Variants in HIF1A observed in about 807,000 individuals in gnomAD.
HIF1A encodes the protein hypoxia inducible factor 1 subunit alpha.
A neutral mutation model predicts 92.7 loss-of-function variants in HIF1A; 24 were observed. The observed-to-expected ratio is 0.26, with a 90% confidence interval of 0.19 to 0.36. HIF1A has a LOEUF of 0.36. Ranked by LOEUF, HIF1A falls within the 10% of genes least tolerant of loss-of-function variation. The probability of loss-of-function intolerance (pLI) is 1.00; values close to 1 mark genes in which losing one functional copy is unlikely to be tolerated. For synonymous variants in HIF1A, 319 were observed against 338.7 expected, an observed-to-expected ratio of 0.94 and a Z score of 0.64; for missense variants, 799 against 998.5, an observed-to-expected ratio of 0.80 and a Z score of 2.69.
chr14:61,746,148 C>G lies in HIF1A; in HGVS notation c.2329+331C>G, dbSNP rs368878677. 1.6e-3 allele frequency among the ~76,000 whole-genome samples: 242 copies of G among 149,184 alleles called. 1 individual carries two copies. Among genetic ancestry groups the G allele is most frequent in the African/African-American group, 5.6e-3 (225 of 40,434 alleles). On this transcript the variant is annotated intron_variant, in intron 14 of 14. Transcript: ENST00000337138. ...CTGAGGCATGAGAATTGCTTGAACC[C>G]GGAAGGCAGAGGTTGCAGTGAGCCA...
chr14:61,718,921 T>G (rs2044394193), intron 1 of HIF1A, among the ~76,000 whole-genome samples: 1 of 150,664 alleles, frequency 6.6e-6, no homozygotes, highest in Non-Finnish European at 1.5e-5. Context: ...ATAACATGCT[T>G]ACATTCCTTA....
chr14:61,716,868 G>A (rs2044370161), intron 1 of HIF1A: 1 of 152,132 alleles, frequency 6.6e-6, no homozygotes, highest in Non-Finnish European at 1.5e-5. Flanking sequence ...CACAAAGATT[G>A]AGCTATTTTG....
chr14:61,696,077 G>A (rs1216330675), intron 1 of HIF1A, among the ~76,000 whole-genome samples: 1 of 152,110 alleles, frequency 6.6e-6, no homozygotes, highest in African/African-American at 2.4e-5. Flanking sequence ...CAGGGGCCGG[G>A]GTCTGAGCCC....
At chr14:61,701,078 A>C (rs761169683) in intron 1 of HIF1A, among the ~76,000 whole-genome samples, 1 of 152,244 alleles carries the variant, frequency 6.6e-6, no homozygotes, top group African/African-American at 2.4e-5. Flanking sequence ...TCTATTGTTG[A>C]TAAAGCCCAA....
Position 61,716,357 on chromosome 14 carries a change from T to A in HIF1A, c.36-4025T>A, listed in dbSNP as rs183890462. Among the ~76,000 whole-genome samples the A allele has an allele frequency of 3.2e-3, 480 of 152,288 alleles. 1 individual carries two copies. The highest frequency in any genetic ancestry group is 7.1e-3 in the African/African-American group (296 of 41,562). On this transcript the variant is annotated intron_variant, in intron 1 of 14. Coordinates refer to ENST00000337138, the MANE Select transcript of HIF1A (RefSeq NM_001530.4). ...AGTCCTGTAGAAATACTGACGCAAGTGCAAAAACAACAAAAACCAACTTGT... is the reference window on the plus strand; with the variant it reads ...AGTCCTGTAGAAATACTGACGCAAGAGCAAAAACAACAAAAACCAACTTGT...
chr14:61,728,270 T>C (rs1333624741), intron 6 of HIF1A, among the ~76,000 whole-genome samples: 2 of 152,192 alleles, frequency 1.3e-5, no homozygotes, highest in Non-Finnish European at 2.9e-5. Context: ...TGAGCAAAGA[T>C]AGATTACCTT....
chr14:61,713,368 C>T (rs2140129791), intron 1 of HIF1A, among the ~76,000 whole-genome samples: 1 of 152,246 alleles, frequency 6.6e-6, no homozygotes, highest in East Asian at 1.9e-4. Context: ...GTATCATATG[C>T]ATCTTGGAAG....
chr14:61,746,363 A>C (rs1334542456), intron 14 of HIF1A, among the ~76,000 whole-genome samples: 1 of 149,988 alleles, frequency 6.7e-6, no homozygotes, highest in Non-Finnish European at 1.5e-5. Context: ...ATATTGATAG[A>C]AGCTGAAATT....
At chr14:61,704,563 T>C (rs1265948370) in intron 1 of HIF1A, among the ~76,000 whole-genome samples, 1 of 152,184 alleles carries the variant, frequency 6.6e-6, no homozygotes, top group Non-Finnish European at 1.5e-5. Context: ...CAGAGGAAAG[T>C]TGGATATTGC....
chr14:61,740,009 T>C (rs1470733745), intron 10 of HIF1A: 2 of 151,938 alleles, frequency 1.3e-5, no homozygotes, highest in South Asian at 2.1e-4. Context: ...GAAATATATA[T>C]ATTGGCAAAA....
rs1337418478 is a variant in HIF1A, at chr14:61,740,560, TC to T, written c.1593del (p.Phe531LeufsTer6). The T allele has an allele frequency of 6.2e-7, 1 of 1,605,624 alleles. No individual in the cohort carries two copies. Among genetic ancestry groups the T allele is most frequent in the East Asian group, 2.2e-5 (1 of 44,816 alleles). On this transcript the variant is annotated frameshift_variant, in exon 11 of 15. Transcript: ENST00000337138. LOFTEE classifies it high-confidence loss of function. ...FYVDSDMVNE[F>X]KLELVEKLFA... ...GTGGATAGTGATATGGTCAATGAAT[TC>T]AAGTTGGAATTGGTAGAAAAACTTT...
chr14:61,701,962 T>C (rs1199778074), intron 1 of HIF1A, among the ~76,000 whole-genome samples: 2 of 151,942 alleles, frequency 1.3e-5, no homozygotes, highest in African/African-American at 4.8e-5. Flanking sequence ...CACTCCAGCC[T>C]GGGTGACAGA....
At chr14:61,744,913 T>C in intron 13 of HIF1A, 100 bp downstream of exon 13, 1 of 530,098 alleles carries the variant, frequency 1.9e-6, no homozygotes, top group Non-Finnish European at 3.4e-6. Flanking sequence ...TTCTTCCAAA[T>C]AGTAAAGTTA....
chr14:61,735,478 T>A (rs1287105577), intron 8 of HIF1A, among the ~76,000 whole-genome samples: 1 of 152,258 alleles, frequency 6.6e-6, no homozygotes, highest in Non-Finnish European at 1.5e-5. Flanking sequence ...ATCCCAAGTA[T>A]CAGCTTGTTA....
intron 1 of HIF1A, among the ~76,000 whole-genome samples, chr14:61,711,037 G>C (rs1229857944): frequency 1.8e-5 from 2 of 111,880 alleles, no homozygotes; most frequent in African/African-American, 3.3e-5. Flanking sequence ...AACAGTGCGA[G>C]ACTCTGTCTC....
chr14:61,740,062 A>ATTTTTTTTTTTTTT (rs36189686), intron 10 of HIF1A: 5 of 94,152 alleles, frequency 5.3e-5, no homozygotes, highest in Admixed American at 1.7e-4. Flanking sequence ...ATTTTCACAA[A>ATTTTTTTTTTTTTT]TTTTTTTTTT....
chr14:61,711,207 C>CTTTTTTTTTTTTTTTTTTTTTTTT (rs10615564), intron 1 of HIF1A, among the ~76,000 whole-genome samples: 4 of 86,124 alleles, frequency 4.6e-5, no homozygotes, highest in Admixed American at 1.5e-4. Flanking sequence ...TTAAGTATTC[C>CTTTTTTTTTTTTTTTTTTTTTTTT]TTTTTTTTTT....
Position 61,736,801 on chromosome 14 carries a change from ATTT to A in HIF1A, c.1029-84_1029-82del, listed in dbSNP as rs1160924978. The A allele has an allele frequency of 1.9e-5, 17 of 883,328 alleles. No homozygotes were observed. The East Asian group carries it at 2.0e-4, about 10-fold the overall frequency. The allele number at this position is 883,328 out of a possible 1,614,324, so 54.7% of individuals were successfully genotyped here. On this transcript the variant is annotated intron_variant, in intron 8 of 14. Transcript: ENST00000337138. ...GAAATGTTCCTGTCCATAAAGCAGA[ATTT>A]TTTAAGAGACCATTTCACAGTCTCC...
chr14:61,737,231 T>G, intron 9 of HIF1A, 122 bp downstream of exon 9: 1 of 667,422 alleles, frequency 1.5e-6, no homozygotes, highest in Non-Finnish European at 2.5e-6. Flanking sequence ...AATATATGTT[T>G]ATAGTTTTCT....
Sources: allele counts gnomAD v4.1 joint callset (sites outside exome capture counted in the v4.1 genomes callset), GRCh38; gene constraint gnomAD v4.1.1; transcripts MANE v1.5; gene names NCBI Gene and HGNC (gene_info 2026-07-23, HGNC 2026-07-21).